Variants in EPHB1 observed in about 807,000 individuals in gnomAD.
EPHB1 encodes the protein ephrin type-B receptor 1.
EPHB1 carries 30 observed loss-of-function variants against 94.4 expected under a neutral mutation model. The ratio of observed to expected loss-of-function variants is 0.32; its 90% CI spans 0.24 to 0.43. The LOEUF is 0.43. EPHB1 is among the 20% of genes least tolerant of loss of function. EPHB1 has a pLI of 1.00. For synonymous variants in EPHB1, 522 were observed against 489.1 expected (o/e 1.07, Z -0.89); for missense variants, 1,055 against 1,308.3 (o/e 0.81, Z 2.99).
intron 10 of EPHB1, among the ~76,000 whole-genome samples, chr3:135,188,784 G>A (rs1221869415): frequency 6.6e-6 from 1 of 152,166 alleles, no homozygotes. Context: ...TTACAGGGGC[G>A]AACATAATCT....
At chr3:135,100,613 A>G (rs1939000905) in intron 3 of EPHB1, among the ~76,000 whole-genome samples, 1 of 152,160 alleles carries the variant, frequency 6.6e-6, no homozygotes, top group Non-Finnish European at 1.5e-5. Context: ...GAGACACTTA[A>G]TCTGTTTCTT....
chr3:134,966,375 G>C lies in EPHB1; in HGVS notation c.805+14323G>C, dbSNP rs147859205. ...TAAGCAACAAAGCTTCTTCAGAATG[G>C]CAAAGAGGGCTTTGTCTTAACCTCC... is the stretch of plus-strand genomic sequence containing the variant. On this transcript the variant is annotated intron_variant, in intron 3 of 15. Transcript: ENST00000398015. Among the ~76,000 whole-genome samples the C allele has an allele frequency of 4.3e-3, 650 of 152,274 alleles. 3 individuals carry two copies. Among genetic ancestry groups the C allele is most frequent in the African/African-American group, 0.015 (616 of 41,534 alleles).
chr3:135,044,217 G>A (rs1371678757), intron 3 of EPHB1, among the ~76,000 whole-genome samples: 2 of 152,172 alleles, frequency 1.3e-5, no homozygotes, highest in Admixed American at 6.5e-5. Context: ...CTGATGCTTT[G>A]TGGGGAGTCT....
chr3:135,024,959 T>C lies in EPHB1; in HGVS notation c.805+72907T>C, dbSNP rs928192528. On this transcript the variant is annotated intron_variant, in intron 3 of 15. Transcript: ENST00000398015. ...TATTACTATATGTATTATATATCCA[T>C]GTGGTAATTATATATGATTTTTCAT... Among the ~76,000 whole-genome samples, 4 of 152,116 alleles carry C rather than the reference T, an allele frequency of 2.6e-5. No homozygotes were observed. The East Asian group carries it at 7.7e-4, about 29-fold the overall frequency.
intron 1 of EPHB1, among the ~76,000 whole-genome samples, chr3:134,917,781 C>T (rs901881289): frequency 6.6e-6 from 1 of 152,256 alleles, no homozygotes; most frequent in African/African-American, 2.4e-5. Flanking sequence ...CATGACCACA[C>T]ATCAACCAGT....
At chr3:135,151,440 G>T (rs1241627321) in intron 5 of EPHB1, among the ~76,000 whole-genome samples, 1 of 152,042 alleles carries the variant, frequency 6.6e-6, no homozygotes, top group Non-Finnish European at 1.5e-5. Context: ...CTGCTTCTCA[G>T]GCAGCCTTCC....
intron 12 of EPHB1, among the ~76,000 whole-genome samples, chr3:135,219,683 G>T (rs1210638177): frequency 6.6e-6 from 1 of 152,220 alleles, no homozygotes; most frequent in African/African-American, 2.4e-5. Context: ...TTTTGCAGAA[G>T]CATTGCCTTC....
chr3:135,244,132 G>A (rs1943863286), intron 13 of EPHB1, among the ~76,000 whole-genome samples: 1 of 152,162 alleles, frequency 6.6e-6, no homozygotes, highest in Non-Finnish European at 1.5e-5. Flanking sequence ...GTCCCAGAGA[G>A]CACCTGGGGT....
At chr3:134,866,811 G>A (rs1252826319) in intron 1 of EPHB1, among the ~76,000 whole-genome samples, 5 of 152,230 alleles carry the variant, frequency 3.3e-5, no homozygotes, top group Admixed American at 3.3e-4. Flanking sequence ...GGCTCCCAGA[G>A]ATTCACATAT....
At chr3:135,021,431 T>A (rs1213664105) in intron 3 of EPHB1, among the ~76,000 whole-genome samples, 1 of 152,154 alleles carries the variant, frequency 6.6e-6, no homozygotes, top group Non-Finnish European at 1.5e-5. Context: ...TTTGATTGCT[T>A]TTGATTTTTT....
intron 10 of EPHB1, among the ~76,000 whole-genome samples, chr3:135,183,223 C>CCTCCCTTCCTCCCTCT: frequency 7.1e-5 from 10 of 140,570 alleles, no homozygotes; most frequent in African/African-American, 2.6e-4. Flanking sequence ...TTCCTCCCTC[C>CCTCCCTTCCTCCCTCT]CTCCCTTCCT....
intron 1 of EPHB1, among the ~76,000 whole-genome samples, chr3:134,795,951 C>T (rs185518718): frequency 6.6e-5 from 10 of 152,360 alleles, no homozygotes; most frequent in African/African-American, 4.8e-5. Flanking sequence ...CTGGTAGCCT[C>T]GGTCTCCCGC....
At chr3:135,248,676 T>C (rs561357369) in intron 14 of EPHB1, among the ~76,000 whole-genome samples, 167 bp downstream of exon 14, 3 of 152,042 alleles carry the variant, frequency 2.0e-5, no homozygotes, top group South Asian at 4.2e-4. Context: ...CAGGAGAACA[T>C]TGCAATGATC....
At chr3:135,160,008 A>C (rs1326434667) in intron 6 of EPHB1, among the ~76,000 whole-genome samples, 2 of 152,112 alleles carry the variant, frequency 1.3e-5, no homozygotes, top group African/African-American at 4.8e-5. Context: ...GTCACTCTGC[A>C]TCTCCTCTGA....
chr3:135,088,864 T>C lies in EPHB1; in HGVS notation c.806-17584T>C, dbSNP rs376397337. Among the ~76,000 whole-genome samples, 3 of 152,244 alleles carry C rather than the reference T, an allele frequency of 2.0e-5. No individual in the cohort carries two copies. The East Asian group carries it at 5.8e-4, about 29-fold the overall frequency. Reference sequence around the variant, plus strand: ...CACATTGTCTATACTCAACATATTATCATTTTATAATAGAAAATATTAACT... The same window carrying C: ...CACATTGTCTATACTCAACATATTACCATTTTATAATAGAAAATATTAACT... On this transcript the variant is annotated intron_variant, in intron 3 of 15. Coordinates refer to ENST00000398015, the MANE Select transcript of EPHB1 (RefSeq NM_004441.5).
At chr3:135,067,469 GT>G in intron 3 of EPHB1, 1 of 152,418 alleles carries the variant, frequency 6.6e-6, no homozygotes, top group East Asian at 1.9e-4. Flanking sequence ...TGTCAGGGAA[GT>G]GGGGGAGAGC....
chr3:135,224,993 C>A (rs970199685), intron 12 of EPHB1, among the ~76,000 whole-genome samples: 16 of 152,214 alleles, frequency 1.1e-4, no homozygotes, highest in Non-Finnish European at 2.4e-4. Flanking sequence ...CTCTGCTCTG[C>A]CTGCACCTTT....
chr3:134,869,804 T>C (rs899617554), intron 1 of EPHB1, among the ~76,000 whole-genome samples: 1 of 152,380 alleles, frequency 6.6e-6, no homozygotes, highest in Non-Finnish European at 1.5e-5. Flanking sequence ...TTTATTATCA[T>C]AGAAGCCACA....
chr3:134,918,131 C>T lies in EPHB1; in HGVS notation c.59-7685C>T, dbSNP rs12637373. Among the ~76,000 whole-genome samples, 3,011 of 152,308 alleles carry T rather than the reference C, an allele frequency of 0.02. 309 individuals are homozygous for T. The East Asian group carries it at 0.32, about 16-fold the overall frequency. On this transcript the variant is annotated intron_variant, in intron 1 of 15. Coordinates refer to ENST00000398015, the MANE Select transcript of EPHB1 (RefSeq NM_004441.5). ...GTGCTCTGAAGTTACTTCGAATAAA[C>T]TCAGATATATAAAGTGATAACGAAA...
Sources: allele counts gnomAD v4.1 joint callset (sites outside exome capture counted in the v4.1 genomes callset), GRCh38; gene constraint gnomAD v4.1.1; transcripts MANE v1.5; gene names NCBI Gene and HGNC (gene_info 2026-07-23, HGNC 2026-07-21).